Variants in GABRQ observed in about 807,000 individuals in gnomAD.
GABRQ encodes gamma-aminobutyric acid type A receptor subunit theta, also known as gamma-aminobutyric acid receptor subunit theta.
In GABRQ, 19 loss-of-function variants were observed where a neutral mutation model predicts 30.5. The ratio of observed to expected loss-of-function variants is 0.62; its 90% CI spans 0.43 to 0.91. The LOEUF is 0.91. GABRQ is among the 40% of genes least tolerant of loss of function. The pLI is 0.00. For synonymous variants in GABRQ, 187 were observed against 210.2 expected (o/e 0.89, Z 0.95); for missense variants, 520 against 521.4 (o/e 1.00, Z 0.03).
chrX:152,647,203 G>A (rs1185507877), intron 4 of GABRQ, 35 bp downstream of exon 4: 17 of 999,926 alleles, frequency 1.7e-5, no homozygotes, highest in Non-Finnish European at 2.4e-5. Flanking sequence ...TGTCCCAGCA[G>A]ACTTCCTTCT....
At position 152,652,816 on chromosome X, in the gene GABRQ, T is replaced by A; in HGVS notation, c.1434T>A (p.Ile478=). 8.3e-7 allele frequency: 1 copy of A among 1,211,151 alleles called. No individual in the cohort carries two copies. Among genetic ancestry groups the A allele is most frequent in the Non-Finnish European group, 1.1e-6 (1 of 894,790 alleles). The change falls in exon 9 of 9, where the codon ATT becomes ATA. Residue 478 remains isoleucine, a synonymous_variant. Transcript: ENST00000598523. ...FNGFQADDSI[I]PTEIRNRVEA... ...GTTTCCAGGCTGATGACAGTATTATTCCTACCGAAATCCGCAACCGTGTCG... is the reference window on the plus strand; with the variant it reads ...GTTTCCAGGCTGATGACAGTATTATACCTACCGAAATCCGCAACCGTGTCG...
intron 4 of GABRQ, among the ~76,000 whole-genome samples, chrX:152,647,662 C>T (rs1930921164): frequency 8.9e-6 from 1 of 111,763 alleles, no homozygotes; most frequent in Non-Finnish European, 1.9e-5. Context: ...TTGCATCATG[C>T]AGGGCCTCCA....
At chrX:152,645,908 G>A (rs1041615546) in intron 3 of GABRQ, among the ~76,000 whole-genome samples, 1 of 112,216 alleles carries the variant, frequency 8.9e-6, no homozygotes. Flanking sequence ...AGAAAACACA[G>A]ACCACACAAA....
chrX:152,640,388 G>A lies in GABRQ; in HGVS notation c.160G>A (p.Ala54Thr). 5.0e-6 allele frequency: 6 copies of A among 1,197,780 alleles called. No individual in the cohort carries two copies. The highest frequency in any genetic ancestry group is 5.7e-6 in the Non-Finnish European group (5 of 882,570). Reference sequence around the variant, plus strand: ...ACTTCTCTGTTTCAGCAAAAATTGTGCAAATGAAGCTGTGGTTCAAAAGAT... The same window carrying A: ...ACTTCTCTGTTTCAGCAAAAATTGTACAAATGAAGCTGTGGTTCAAAAGAT... ...VLNLFNCKNC[A>T]NEAVVQKILD... The change falls in exon 2 of 9, where the codon GCA becomes ACA. Residue 54 changes from alanine to threonine, a missense_variant. By Grantham distance (58) the Ala-to-Thr change is moderately conservative. Coordinates refer to ENST00000598523, the MANE Select transcript of GABRQ (RefSeq NM_018558.4).
intron 2 of GABRQ, among the ~76,000 whole-genome samples, chrX:152,644,155 A>G (rs895115674): frequency 2.7e-5 from 3 of 111,683 alleles, no homozygotes; most frequent in African/African-American, 6.5e-5. Context: ...ACATACACAT[A>G]TGAATATACT....
In GABRQ at chrX:152,646,995, C is replaced by CT; in HGVS notation, c.356dup (p.Leu119PhefsTer5). ...TTCATCAGACTTGGAAAGATTCACG[C>CT]TTAGCATACTATGAGACCACCCTGA... On this transcript the variant is annotated frameshift_variant, in exon 4 of 9. Coordinates refer to ENST00000598523, the MANE Select transcript of GABRQ (RefSeq NM_018558.4). LOFTEE classifies it high-confidence loss of function. 8.3e-7 allele frequency: 1 copy of CT among 1,207,576 alleles called. No homozygotes were observed. The highest frequency in any genetic ancestry group is 1.7e-5 in the African/African-American group (1 of 57,707).
Position 152,654,511 on chromosome X carries a change from C to G in GABRQ, c.*1230C>G, listed in dbSNP as rs1931109305. 2 of 112,046 alleles carry G rather than the reference C, an allele frequency of 1.8e-5. No individual in the cohort carries two copies. The highest frequency in any genetic ancestry group is 3.8e-5 in the Non-Finnish European group (2 of 53,224). The allele number at this position is 112,046 out of a possible 1,213,427, so 9.2% of individuals were successfully genotyped here. A position where few individuals can be genotyped will look rare whatever the true frequency, so the allele number is the denominator to read the frequency against. On this transcript the variant is annotated 3_prime_UTR_variant, in exon 9 of 9. Coordinates refer to ENST00000598523, the MANE Select transcript of GABRQ (RefSeq NM_018558.4). The stretch of plus-strand genomic sequence containing the variant: ...GTCTTTTTCCTCCTGACTGTCCCAA[C>G]TGAGGCATTTCCTTTTCTTCCCTCC...
chrX:152,649,791 C>A lies in GABRQ; in HGVS notation c.660C>A (p.Asn220Lys). ...TATTATTCTGGGATGACAATGGGAACGCCATCCACATGACTGAGGAGCTGC... is the reference window on the plus strand; with the variant it reads ...TATTATTCTGGGATGACAATGGGAAAGCCATCCACATGACTGAGGAGCTGC... Reference protein sequence around the residue: ...DIILFWDDNGNAIHMTEELHI... With the variant: ...DIILFWDDNGKAIHMTEELHI... The change falls in exon 6 of 9, where the codon AAC becomes AAA. Residue 220 changes from asparagine (N) to lysine (K), a missense_variant. Transcript: ENST00000598523. 8.5e-7 allele frequency: 1 copy of A among 1,170,337 alleles called. No homozygotes were observed. Among genetic ancestry groups the A allele is most frequent in the Non-Finnish European group, 1.2e-6 (1 of 857,914 alleles).
chrX:152,645,257 C>T (rs1930861104), intron 2 of GABRQ, among the ~76,000 whole-genome samples: 1 of 112,120 alleles, frequency 8.9e-6, no homozygotes, highest in Non-Finnish European at 1.9e-5. Flanking sequence ...AGAAGGAGTG[C>T]TTCATCCCTT....
chrX:152,651,451 T>A, intron 7 of GABRQ, 75 bp from the exon 8 acceptor site: 2 of 909,228 alleles, frequency 2.2e-6, no homozygotes, highest in Admixed American at 4.7e-5. Flanking sequence ...CCAAATATGT[T>A]TGGGTGGGGG....
chrX:152,651,728 C>A lies in GABRQ; in HGVS notation c.1104C>A (p.Pro368=). The part of the protein sequence containing the change: ...PRRQPRRHRR[P]RRVIARYRYQ... Reference sequence around the variant, plus strand: ...GCCAGCCTAGGCGACACAGGAGACCCCGAAGAGTCATTGCCCGCTACCGCT... The same window carrying A: ...GCCAGCCTAGGCGACACAGGAGACCACGAAGAGTCATTGCCCGCTACCGCT... The change falls in exon 8 of 9, where the codon CCC becomes CCA. Residue 368 remains proline, a synonymous_variant. Transcript: ENST00000598523. The A allele has an allele frequency of 8.3e-7, 1 of 1,211,352 alleles. No homozygotes were observed. The highest frequency in any genetic ancestry group is 2.3e-4 in the Middle Eastern group (1 of 4,344).
In GABRQ at chrX:152,649,798, C is replaced by A; in HGVS notation, c.667C>A (p.His223Asn). ...LFWDDNGNAI[H>N]MTEELHIPQF... Reference sequence around the variant, plus strand: ...CTGGGATGACAATGGGAACGCCATCCACATGACTGAGGAGCTGCATATCCC... The same window carrying A: ...CTGGGATGACAATGGGAACGCCATCAACATGACTGAGGAGCTGCATATCCC... Residue 223 changes from histidine to asparagine, a missense_variant, in exon 6 of 9, where the codon CAC (histidine) becomes AAC (asparagine). His to Asn is a moderately conservative substitution (Grantham distance 68). Transcript: ENST00000598523. The A allele has an allele frequency of 8.5e-7, 1 of 1,174,127 alleles. No homozygotes were observed. Among genetic ancestry groups the A allele is most frequent in the Middle Eastern group, 2.5e-4 (1 of 4,014 alleles).
At chrX:152,642,523 T>C (rs1265902334) in intron 2 of GABRQ, among the ~76,000 whole-genome samples, 1 of 112,898 alleles carries the variant, frequency 8.9e-6, no homozygotes, top group Non-Finnish European at 1.9e-5. Flanking sequence ...ACTGGGACTC[T>C]GCATTGTGGC....
chrX:152,640,627 A>G, intron 2 of GABRQ, 161 bp downstream of exon 2: 1 of 520,817 alleles, frequency 1.9e-6, no homozygotes, highest in Non-Finnish European at 3.5e-6. Flanking sequence ...CCAGCAAGGA[A>G]GCACCCCCAG....
chrX:152,643,121 C>G (rs1452210223), intron 2 of GABRQ, among the ~76,000 whole-genome samples: 1 of 112,177 alleles, frequency 8.9e-6, no homozygotes, highest in Non-Finnish European at 1.9e-5. Flanking sequence ...CTGGCTGGCC[C>G]CTCTGGAGCT....
intron 4 of GABRQ, among the ~76,000 whole-genome samples, chrX:152,648,433 C>T (rs983116235): frequency 1.9e-5 from 2 of 107,424 alleles, no homozygotes; most frequent in African/African-American, 6.8e-5. Flanking sequence ...GGCACAATGT[C>T]GGCTCACTGC....
chrX:152,643,302 C>T (rs191888042), intron 2 of GABRQ, among the ~76,000 whole-genome samples: 4 of 112,684 alleles, frequency 3.5e-5, no homozygotes, highest in African/African-American at 9.7e-5. Flanking sequence ...CACAGAGGCT[C>T]ATTTACTTCA....
chrX:152,653,311 CTG>C lies in GABRQ; in HGVS notation c.*33_*34del, dbSNP rs782799039. On this transcript the variant is annotated 3_prime_UTR_variant, in exon 9 of 9. Coordinates refer to ENST00000598523, the MANE Select transcript of GABRQ (RefSeq NM_018558.4). ...CCAGTGCTCCAGAACAGCGGGAGCA[CTG>C]TGCTGTGCTCCTTTCAGTTTCTTTT... 1 of 1,045,400 alleles carries C rather than the reference CTG, an allele frequency of 9.6e-7. No homozygotes were observed. The highest frequency in any genetic ancestry group is 3.0e-5 in the East Asian group (1 of 33,007). 86.2% of individuals were successfully genotyped at this position (1,045,400 alleles called of 1,213,427 possible).
Position 152,653,340 on chromosome X carries a change from G to A in GABRQ, c.*59G>A. 2.2e-6 allele frequency: 2 copies of A among 913,557 alleles called. No individual in the cohort carries two copies. Among genetic ancestry groups the A allele is most frequent in the Non-Finnish European group, 1.5e-6 (1 of 657,506 alleles). 75.3% of individuals were successfully genotyped at this position (913,557 alleles called of 1,213,427 possible). A position where few individuals can be genotyped will look rare whatever the true frequency, so the allele number is the denominator to read the frequency against. On this transcript the variant is annotated 3_prime_UTR_variant, in exon 9 of 9. Transcript: ENST00000598523. ...GCTGTGCTCCTTTCAGTTTCTTTTG[G>A]GTTTGTTTTTCCCTCTTTCCTTTGT...
Sources: gnomAD v4.1 joint callset for allele counts (sites outside exome capture counted in the v4.1 genomes callset) on GRCh38, gnomAD v4.1.1 for gene constraint, MANE v1.5 for transcripts, NCBI Gene and HGNC (gene_info 2026-07-23, HGNC 2026-07-21) for gene names.